Variants in DOCK9 observed in about 807,000 individuals in gnomAD.
DOCK9 encodes the protein dedicator of cytokinesis 9.
A neutral mutation model predicts 263.3 loss-of-function variants in DOCK9; 89 were observed. The ratio of observed to expected loss-of-function variants is 0.34; its 90% CI spans 0.28 to 0.40. The LOEUF is 0.40. Ranked by LOEUF, DOCK9 falls within the 10% of genes least tolerant of loss-of-function variation. DOCK9 has a pLI of 1.00. For missense variants in DOCK9, 2,140 were observed against 2,603.4 expected (o/e 0.82, Z 3.87); for synonymous variants, 976 against 973.1 (o/e 1.00, Z -0.06).
intron 45 of DOCK9, among the ~76,000 whole-genome samples, chr13:98,817,733 C>T (rs772312): frequency 0.85 from 124,351 of 146,628 alleles, 53,370 homozygotes; most frequent in East Asian, 0.95. Flanking sequence ...CCACATGATA[C>T]AGATAATTGA....
At chr13:98,867,673 G>A in intron 29 of DOCK9, 137 bp from the exon 30 acceptor site, 1 of 684,286 alleles carries the variant, frequency 1.5e-6, no homozygotes, top group Non-Finnish European at 2.5e-6. Flanking sequence ...CTATTGCACT[G>A]TACAGATTTC....
At chr13:98,941,745 C>T (rs1335449315) in intron 2 of DOCK9, among the ~76,000 whole-genome samples, 2 of 152,084 alleles carry the variant, frequency 1.3e-5, no homozygotes, top group Non-Finnish European at 2.9e-5. Context: ...GCCTGCTGAA[C>T]AACTAAAGTT....
chr13:99,051,178 T>C (rs1433280237), intron 1 of DOCK9, among the ~76,000 whole-genome samples: 1 of 152,206 alleles, frequency 6.6e-6, no homozygotes, highest in Non-Finnish European at 1.5e-5. Flanking sequence ...AATAGTGGCC[T>C]TGAAAGGCTG....
chr13:99,058,633 G>T (rs1330362249), intron 1 of DOCK9, among the ~76,000 whole-genome samples: 1 of 152,080 alleles, frequency 6.6e-6, no homozygotes, highest in Admixed American at 6.5e-5. Context: ...TTTACCAAGG[G>T]TTCCCCCCAT....
At chr13:99,019,123 G>A (rs983281056) in intron 1 of DOCK9, among the ~76,000 whole-genome samples, 4 of 152,164 alleles carry the variant, frequency 2.6e-5, no homozygotes, top group African/African-American at 9.7e-5. Flanking sequence ...AAGGAAAGAA[G>A]CCAGGCACCA....
intron 1 of DOCK9, among the ~76,000 whole-genome samples, chr13:99,009,881 G>T (rs893564262): frequency 6.6e-6 from 1 of 152,068 alleles, no homozygotes; most frequent in Non-Finnish European, 1.5e-5. Flanking sequence ...TGTTTGGGGA[G>T]ATTAAAGTGG....
Position 98,862,085 on chromosome 13 carries a change from A to G in DOCK9, c.3579+934T>C, listed in dbSNP as rs1644095066. ...ATTTTTAGTGAATATACAAATGAAA[A>G]TTCTGAGGCCTCACAAGACATTGGT... is the stretch of plus-strand genomic sequence containing the variant. On this transcript the variant is annotated intron_variant, in intron 32 of 52. Transcript: ENST00000682017. Among the ~76,000 whole-genome samples the G allele has an allele frequency of 3.3e-5, 5 of 152,158 alleles. No homozygotes were observed. The South Asian group carries it at 1.0e-3, about 32-fold the overall frequency.
chr13:98,824,511 A>G lies in DOCK9; in HGVS notation c.5024-7T>C. ...CATCCTTGTCTAAACACGCCTAGGA[A>G]GAGAGGAAGGAGGGACAGTCAGAGT... On this transcript the variant is annotated splice_region_variant and splice_polypyrimidine_tract_variant and intron_variant, in intron 44 of 52. Transcript: ENST00000682017. 2 of 1,612,912 alleles carry G rather than the reference A, an allele frequency of 1.2e-6. No individual in the cohort carries two copies. The highest frequency in any genetic ancestry group is 1.7e-6 in the Non-Finnish European group (2 of 1,179,120).
intron 1 of DOCK9, among the ~76,000 whole-genome samples, chr13:98,974,313 A>G (rs1342459341): frequency 6.6e-6 from 1 of 152,142 alleles, no homozygotes; most frequent in Non-Finnish European, 1.5e-5. Flanking sequence ...AAGCCTGGAT[A>G]GAAATGGGGA....
In DOCK9 at chr13:98,900,986, AT is replaced by A. The variant is rs113813149; in HGVS notation, c.1503+791del. Among the ~76,000 whole-genome samples the A allele has an allele frequency of 4.4e-3, 659 of 151,018 alleles. 4 individuals are homozygous for A. The highest frequency in any genetic ancestry group is 0.014 in the African/African-American group (588 of 41,186). On this transcript the variant is annotated intron_variant, in intron 13 of 52. Coordinates refer to ENST00000682017, the MANE Select transcript of DOCK9 (RefSeq NM_001366683.2). ...TTCAGGCCTCTCAGATGACCACACA[AT>A]TTTTTTTTTAAATAACTAAAAATAT...
intron 1 of DOCK9, 70 bp downstream of exon 1, chr13:98,977,714 C>A: frequency 1.3e-6 from 2 of 1,517,492 alleles, no homozygotes; most frequent in Non-Finnish European, 1.8e-6. Flanking sequence ...AGGCGTCAAC[C>A]CCGTCCACAC....
At chr13:98,945,821 C>G (rs1009668940) in intron 2 of DOCK9, among the ~76,000 whole-genome samples, 16 of 152,108 alleles carry the variant, frequency 1.1e-4, no homozygotes, top group Non-Finnish European at 2.1e-4. Context: ...ACATAAGAAG[C>G]AAGAACATAT....
At chr13:98,925,219 G>A (rs1035684501) in intron 4 of DOCK9, among the ~76,000 whole-genome samples, 1 of 152,028 alleles carries the variant, frequency 6.6e-6, no homozygotes, top group African/African-American at 2.4e-5. Flanking sequence ...AAATTACCCA[G>A]TCTCAGGTAT....
At chr13:98,839,431 G>C (rs2093128723) in intron 38 of DOCK9, among the ~76,000 whole-genome samples, 1 of 152,244 alleles carries the variant, frequency 6.6e-6, no homozygotes, top group Admixed American at 6.5e-5. Context: ...GACTGTTAAA[G>C]TGATCACATA....
At chr13:98,838,960 A>G (rs1287006980) in intron 38 of DOCK9, among the ~76,000 whole-genome samples, 2 of 152,228 alleles carry the variant, frequency 1.3e-5, no homozygotes, top group African/African-American at 4.8e-5. Flanking sequence ...ATCATAGTAC[A>G]TATTATTGGG....
intron 10 of DOCK9, among the ~76,000 whole-genome samples, chr13:98,904,304 T>C (rs1355718776): frequency 1.3e-5 from 2 of 152,234 alleles, no homozygotes; most frequent in Non-Finnish European, 2.9e-5. Flanking sequence ...TCGGGAATTA[T>C]CACTGACTCC....
intron 39 of DOCK9, among the ~76,000 whole-genome samples, chr13:98,835,733 CTTTTT>C (rs142745340): frequency 1.0e-4 from 8 of 79,366 alleles, no homozygotes; most frequent in South Asian, 5.4e-4. Context: ...CTTTACAACT[CTTTTT>C]TTTTTTTTTT....
intron 15 of DOCK9, among the ~76,000 whole-genome samples, chr13:98,890,510 C>T (rs1318691075): frequency 1.3e-5 from 2 of 152,212 alleles, no homozygotes; most frequent in Non-Finnish European, 2.9e-5. Context: ...TAGTTCAACA[C>T]GATATGACTT....
chr13:98,899,513 A>G (rs1261927672), intron 13 of DOCK9, among the ~76,000 whole-genome samples: 2 of 152,082 alleles, frequency 1.3e-5, no homozygotes, highest in Non-Finnish European at 2.9e-5. Flanking sequence ...ATTGGAAGAG[A>G]TGTCAGGGAA....
Sources: gnomAD v4.1 joint callset for allele counts (sites outside exome capture counted in the v4.1 genomes callset) on GRCh38, gnomAD v4.1.1 for gene constraint, MANE v1.5 for transcripts, NCBI Gene and HGNC (gene_info 2026-07-23, HGNC 2026-07-21) for gene names.